Variants in GOLGA4 observed in about 807,000 individuals in gnomAD.
The protein encoded by GOLGA4 is golgin A4.
A neutral mutation model predicts 265.9 loss-of-function variants in GOLGA4; 169 were observed. The ratio of observed to expected loss-of-function variants is 0.64; its 90% CI spans 0.56 to 0.72. The LOEUF is 0.72. GOLGA4 is among the 30% of genes least tolerant of loss of function. The pLI is 0.00. For missense variants in GOLGA4, 2,482 were observed against 2,483.4 expected, an observed-to-expected ratio of 1.00 and a Z score of 0.01; for synonymous variants, 923 against 855.8, an observed-to-expected ratio of 1.08 and a Z score of -1.37.
chr3:37,365,928 C>T (rs780508881), intron 23 of GOLGA4, among the ~76,000 whole-genome samples, 152 bp from the exon 24 acceptor site: 3 of 152,074 alleles, frequency 2.0e-5, no homozygotes, highest in Admixed American at 6.6e-5. Context: ...CTACCACACC[C>T]AGCCTTATTT....
chr3:37,341,530 A>G (rs2097034017), intron 20 of GOLGA4: 1 of 152,224 alleles, frequency 6.6e-6, no homozygotes, highest in Non-Finnish European at 1.5e-5. Context: ...AGCTCCTCAA[A>G]AAGAAGTAAA....
intron 1 of GOLGA4, among the ~76,000 whole-genome samples, chr3:37,251,139 G>A (rs2096732572): frequency 6.6e-6 from 1 of 152,074 alleles, no homozygotes; most frequent in Non-Finnish European, 1.5e-5. Flanking sequence ...TTTATATATG[G>A]AGACACATAG....
chr3:37,243,901 G>A (rs1308275094), intron 1 of GOLGA4: 5 of 471,854 alleles, frequency 1.1e-5, no homozygotes, highest in Admixed American at 4.0e-5. Context: ...TTCTCCTAAG[G>A]CCAGAGTCCG....
intron 10 of GOLGA4, among the ~76,000 whole-genome samples, chr3:37,304,968 C>CT (rs2096902253): frequency 6.6e-6 from 1 of 151,878 alleles, no homozygotes; most frequent in Non-Finnish European, 1.5e-5. Flanking sequence ...ATTATTATTA[C>CT]TTTTTTTGGG....
chr3:37,287,513 C>T (rs745964479), intron 4 of GOLGA4: 1 of 152,206 alleles, frequency 6.6e-6, no homozygotes, highest in Non-Finnish European at 1.5e-5. Context: ...TATTGAGCTC[C>T]TACTGTGTGC....
intron 12 of GOLGA4, 139 bp from the exon 13 acceptor site, chr3:37,321,591 TG>T: frequency 1.4e-6 from 1 of 697,500 alleles, no homozygotes; most frequent in Non-Finnish European, 2.4e-6. Flanking sequence ...GACTAGAGCA[TG>T]GGAGGAGAGA....
intron 10 of GOLGA4, among the ~76,000 whole-genome samples, chr3:37,309,467 A>G (rs1364822081): frequency 6.6e-6 from 1 of 151,782 alleles, no homozygotes; most frequent in Non-Finnish European, 1.5e-5. Context: ...AGGCAGGAGA[A>G]TTGCTTGAGC....
chr3:37,282,246 A>C lies in GOLGA4; in HGVS notation c.451A>C (p.Ser151Arg). 1 of 1,614,074 alleles carries C rather than the reference A, an allele frequency of 6.2e-7. No individual in the cohort carries two copies. Among genetic ancestry groups the C allele is most frequent in the South Asian group, 1.1e-5 (1 of 91,070 alleles). The change falls in exon 3 of 24, where the codon AGT becomes CGT. Residue 151 changes from serine to arginine, a missense_variant. This residue lies in a region of GOLGA4 where 1,536 missense variants were observed against 1,483.7 expected (regional missense o/e 1.04). Coordinates refer to ENST00000361924, the MANE Select transcript of GOLGA4 (RefSeq NM_002078.5). ...QRLRRMERSLSSYRGKYSELV... is the reference protein window; with the variant it reads ...QRLRRMERSLRSYRGKYSELV... ...GTTGCGAAGAATGGAACGAAGCTTA[A>C]GTAGCTACAGGGGAAAATATTCTGA... is the stretch of plus-strand genomic sequence containing the variant.
chr3:37,252,269 C>A (rs1327859683), intron 2 of GOLGA4, among the ~76,000 whole-genome samples: 1 of 151,760 alleles, frequency 6.6e-6, no homozygotes, highest in Admixed American at 6.6e-5. Flanking sequence ...GCTCCCTTTC[C>A]CCCTGAAGGA....
rs760237904 is a variant in GOLGA4, at chr3:37,325,252, G to A, written c.3366G>A (p.Val1122=). ...QEQLKQKSAH[V]NSLAQDETKL... ...AGTTAAAGCAGAAGTCTGCCCATGT[G>A]AATTCTCTTGCACAAGATGAAACTA... Residue 1122 remains valine (V), a synonymous_variant, in exon 14 of 24, where the codon GTG becomes GTA. Coordinates refer to ENST00000361924, the MANE Select transcript of GOLGA4 (RefSeq NM_002078.5). 6.2e-7 allele frequency: 1 copy of A among 1,613,236 alleles called. No individual in the cohort carries two copies. Among genetic ancestry groups the A allele is most frequent in the East Asian group, 2.2e-5 (1 of 44,860 alleles).
At position 37,251,164 on chromosome 3, in the gene GOLGA4, A is replaced by G. The variant is rs775402660; in HGVS notation, c.73-231A>G. On this transcript the variant is annotated intron_variant, in intron 1 of 23. Transcript: ENST00000361924. ...GAGACACATAGTCCTCAAAAAGTTCATGTAGCTAAGATCATAGTTCTAGTT... is the reference window on the plus strand; with the variant it reads ...GAGACACATAGTCCTCAAAAAGTTCGTGTAGCTAAGATCATAGTTCTAGTT... Among the ~76,000 whole-genome samples the G allele has an allele frequency of 1.2e-4, 19 of 152,242 alleles. 1 individual carries two copies. The highest frequency in any genetic ancestry group is 2.8e-4 in the Non-Finnish European group (19 of 68,048).
Position 37,326,507 on chromosome 3 carries a change from A to G in GOLGA4, c.4621A>G (p.Ile1541Val). The change falls in exon 14 of 24, where the codon ATA (isoleucine) becomes GTA (valine). Residue 1541 changes from isoleucine (I) to valine (V), a missense_variant. This residue lies in a region of GOLGA4 where 942 missense variants were observed against 983.1 expected (regional missense o/e 0.96). Transcript: ENST00000361924. ...EDHITQKTIE[I>V]ESLNEVLKNY... ...CCATATTACCCAGAAAACTATTGAA[A>G]TAGAGTCCTTAAATGAAGTTCTTAA... 1.2e-6 allele frequency: 2 copies of G among 1,607,758 alleles called. No individual in the cohort carries two copies. The highest frequency in any genetic ancestry group is 1.7e-6 in the Non-Finnish European group (2 of 1,176,918).
intron 20 of GOLGA4, among the ~76,000 whole-genome samples, chr3:37,342,145 C>A (rs1334490206): frequency 6.6e-6 from 1 of 152,070 alleles, no homozygotes; most frequent in Non-Finnish European, 1.5e-5. Flanking sequence ...GAGTTTGAGA[C>A]CAGCTTGGAC....
chr3:37,338,924 C>T (rs1260876086), intron 19 of GOLGA4, among the ~76,000 whole-genome samples: 6 of 148,220 alleles, frequency 4.0e-5, no homozygotes, highest in Non-Finnish European at 7.4e-5. Context: ...TGTAGTGGCA[C>T]GATCTAGGCT....
intron 21 of GOLGA4, among the ~76,000 whole-genome samples, chr3:37,353,642 A>G (rs928660311): frequency 2.0e-5 from 3 of 152,032 alleles, no homozygotes; most frequent in African/African-American, 7.2e-5. Context: ...GATTCAAGCA[A>G]TTCTCCCACC....
intron 2 of GOLGA4, among the ~76,000 whole-genome samples, chr3:37,277,998 C>T (rs1392044165): frequency 6.6e-6 from 1 of 152,128 alleles, no homozygotes; most frequent in Non-Finnish European, 1.5e-5. Flanking sequence ...CGACTCACCT[C>T]TATTTTGTCA....
intron 3 of GOLGA4, among the ~76,000 whole-genome samples, chr3:37,284,281 G>T (rs2096842323): frequency 1.3e-5 from 2 of 151,402 alleles, no homozygotes; most frequent in South Asian, 4.2e-4. Context: ...TCTTTTTTTT[G>T]TGAGACGGAG....
chr3:37,334,946 G>C, intron 16 of GOLGA4, 107 bp from the exon 17 acceptor site: 1 of 619,492 alleles, frequency 1.6e-6, no homozygotes, highest in Non-Finnish European at 2.9e-6. Flanking sequence ...TACAGAGGTA[G>C]TTTTCTCTAT....
intron 2 of GOLGA4, among the ~76,000 whole-genome samples, chr3:37,262,469 C>T (rs1393579700): frequency 6.6e-6 from 1 of 151,640 alleles, no homozygotes; most frequent in East Asian, 1.9e-4. Flanking sequence ...GAGATGGCAC[C>T]ACTTCCTGGG....
Sources: gnomAD v4.1 joint callset for allele counts (sites outside exome capture counted in the v4.1 genomes callset) on GRCh38, gnomAD v4.1.1 for gene constraint, gnomAD v4.1.1 regional missense constraint, MANE v1.5 for transcripts, NCBI Gene and HGNC (gene_info 2026-07-23, HGNC 2026-07-21) for gene names.